Variants in KIF17 observed in about 807,000 individuals in gnomAD.
The protein encoded by KIF17 is kinesin-like protein KIF17.
In KIF17, 80 loss-of-function variants were observed where a neutral mutation model predicts 96.8. That is an observed-to-expected ratio of 0.83 (90% CI 0.69 to 1.00). The LOEUF is 1.00. Ranked by LOEUF, KIF17 falls within the 50% of genes least tolerant of loss-of-function variation. The pLI, the probability that KIF17 is intolerant of heterozygous loss-of-function variation, is 0.00. For synonymous variants in KIF17, 567 were observed against 587.5 expected (o/e 0.97, Z 0.51); for missense variants, 1,280 against 1,372.9 (o/e 0.93, Z 1.07).
intron 6 of KIF17, among the ~76,000 whole-genome samples, chr1:20,695,943 C>T (rs1223103646): frequency 6.6e-6 from 1 of 152,082 alleles, no homozygotes; most frequent in Non-Finnish European, 1.5e-5. Flanking sequence ...GAGCTGACCC[C>T]CAGCTCTTGC....
chr1:20,665,616 G>T (rs375586264), intron 14 of KIF17, among the ~76,000 whole-genome samples: 5 of 152,048 alleles, frequency 3.3e-5, no homozygotes, highest in Admixed American at 2.6e-4. Flanking sequence ...GGCCAGGCTT[G>T]TCTTGAACTC....
chr1:20,699,686 G>A lies in KIF17; in HGVS notation c.1124-1198C>T, dbSNP rs1028281644. Among the ~76,000 whole-genome samples the A allele has an allele frequency of 1.3e-5, 2 of 152,144 alleles. No individual in the cohort carries two copies. The highest frequency in any genetic ancestry group is 2.9e-5 in the Non-Finnish European group (2 of 68,004). On this transcript the variant is annotated intron_variant, in intron 5 of 14. Transcript: ENST00000400463. The surrounding 1 kb of genome is among the most constrained non-coding windows in gnomAD (Gnocchi z 4.3). ...AGACAGGAGGCGCTTGCTAGACAGGGGGAGCTTGCTAGACAGGGGGAGCGG... is the reference window on the plus strand; with the variant it reads ...AGACAGGAGGCGCTTGCTAGACAGGAGGAGCTTGCTAGACAGGGGGAGCGG...
chr1:20,710,760 T>A (rs2054421586), intron 3 of KIF17, among the ~76,000 whole-genome samples: 2 of 152,070 alleles, frequency 1.3e-5, no homozygotes, highest in African/African-American at 2.4e-5. Flanking sequence ...GCTGGTCCTA[T>A]CTGCTGAAGC....
intron 11 of KIF17, among the ~76,000 whole-genome samples, chr1:20,675,434 C>T (rs888257572): frequency 4.2e-5 from 6 of 144,312 alleles, no homozygotes; most frequent in African/African-American, 1.5e-4. Context: ...GGCGACAAAG[C>T]GAGACTCTGT....
rs370731838 is a variant in KIF17 at position 20,695,008 on chromosome 1, A to G, written c.1233+3371T>C. Among the ~76,000 whole-genome samples the G allele has an allele frequency of 9.2e-5, 14 of 152,250 alleles. No individual in the cohort carries two copies. The East Asian group carries it at 9.7e-4, about 11-fold the overall frequency. On this transcript the variant is annotated intron_variant, in intron 6 of 14. Transcript: ENST00000400463. The stretch of plus-strand genomic sequence containing the variant: ...TGGATGGAAACACACATATATGCGC[A>G]CACACACATGCAGGCACACACATGC...
intron 2 of KIF17, among the ~76,000 whole-genome samples, chr1:20,714,717 A>C (rs2054545977): frequency 1.3e-5 from 2 of 148,498 alleles, no homozygotes; most frequent in South Asian, 4.3e-4. Flanking sequence ...GAATTGCTTG[A>C]ATCTGGGAGG....
chr1:20,697,267 C>A (rs1300988184), intron 6 of KIF17, among the ~76,000 whole-genome samples: 1 of 152,178 alleles, frequency 6.6e-6, no homozygotes, highest in Non-Finnish European at 1.5e-5. Context: ...CGGGATAGCT[C>A]GTCCTGCCTG....
At chr1:20,692,180 T>C (rs1366599478) in intron 6 of KIF17, among the ~76,000 whole-genome samples, 1 of 152,186 alleles carries the variant, frequency 6.6e-6, no homozygotes, top group South Asian at 2.1e-4. Flanking sequence ...TGGGGACTCC[T>C]AGACACACCC....
In KIF17 at chr1:20,687,286, C is replaced by T. The variant is rs2053954371; in HGVS notation, c.1938+102G>A. 10 of 1,320,066 alleles carry T rather than the reference C, an allele frequency of 7.6e-6. No homozygotes were observed. The highest frequency in any genetic ancestry group is 4.7e-5 in the South Asian group (4 of 84,394). The allele number at this position is 1,320,066 out of a possible 1,614,324, so 81.8% of individuals were successfully genotyped here. ...CACAGTGGAGCCACGGCCTGAGTGT[C>T]GGAGGCCATGTGTGTGAACAGTGTG... On this transcript the variant is annotated intron_variant, in intron 8 of 14. Transcript: ENST00000400463. The surrounding 1 kb of genome is among the most constrained non-coding windows in gnomAD (Gnocchi z 4.4).
chr1:20,701,209 G>A (rs34154499), intron 5 of KIF17, among the ~76,000 whole-genome samples: 2 of 152,094 alleles, frequency 1.3e-5, no homozygotes, highest in East Asian at 1.9e-4. Context: ...TGAGGCGGGC[G>A]AATCACGAGG....
chr1:20,704,963 G>T lies in KIF17; in HGVS notation c.671-64C>A. 1 of 1,469,318 alleles carries T rather than the reference G, an allele frequency of 6.8e-7. No homozygotes were observed. Among genetic ancestry groups the T allele is most frequent in the Non-Finnish European group, 9.4e-7 (1 of 1,065,844 alleles). 91.0% of individuals were successfully genotyped at this position (1,469,318 alleles called of 1,614,324 possible). On this transcript the variant is annotated intron_variant, in intron 4 of 14. Transcript: ENST00000400463. This position sits in a 1 kb window ranked among gnomAD's most constrained non-coding sequence, Gnocchi z 6.8. ...GAGCCCTATGTATCGAGGGCAATCA[G>T]TGCCAGGCACTGGGTGCTCAATGCC...
rs369417840 is a variant in KIF17, at chr1:20,717,680, G to A, written c.27C>T (p.Val9=). The A allele has an allele frequency of 1.2e-4, 190 of 1,600,036 alleles. No homozygotes were observed. The African/African-American group carries it at 2.2e-3, about 19-fold the overall frequency. The stretch of plus-strand genomic sequence containing the variant: ...GCTGGTTCATGGGACGGCAGCGCAC[G>A]ACAACCTTCACCGCCTCGGAGGCCA... MASEAVKV[V]VRCRPMNQRE... Residue 9 remains valine (V), a synonymous_variant, in exon 1 of 15, where the codon GTC becomes GTT. Coordinates refer to ENST00000400463, the MANE Select transcript of KIF17 (RefSeq NM_001122819.3).
rs781431910 is a variant in KIF17, at chr1:20,713,465, G to C, written c.469C>G (p.Gln157Glu). 1.3e-5 allele frequency: 21 copies of C among 1,612,456 alleles called. No homozygotes were observed. In the African/African-American group the frequency reaches 2.8e-4, roughly 22 times the overall value. Residue 157 changes from glutamine (Q) to glutamate (E), a missense_variant, in exon 3 of 15, where the codon CAG becomes GAG. Gln to Glu is a conservative substitution (Grantham distance 29). Transcript: ENST00000400463. ...GGGTCTGCACCCACCTCCAGCTTCT[G>C]CTTGGTGTCAGCCCCAAGGAGGTCC... ...VRDLLGADTK[Q>E]KLELKEHPEK...
At chr1:20,674,907 T>C (rs959432505) in intron 11 of KIF17, among the ~76,000 whole-genome samples, 1 of 152,060 alleles carries the variant, frequency 6.6e-6, no homozygotes, top group East Asian at 1.9e-4. Context: ...CCCAGCACTT[T>C]GGGAGGCCGA....
At chr1:20,705,893 CTTTTTT>C (rs747719983) in intron 4 of KIF17, among the ~76,000 whole-genome samples, 12 of 53,566 alleles carry the variant, frequency 2.2e-4, no homozygotes, top group East Asian at 2.2e-3. Context: ...TAGGATGTCT[CTTTTTT>C]TTTTTTTTTT....
Position 20,715,616 on chromosome 1 carries a change from G to A in KIF17, c.255C>T (p.Gly85=). 6.2e-7 allele frequency: 1 copy of A among 1,613,386 alleles called. No individual in the cohort carries two copies. The highest frequency in any genetic ancestry group is 1.7e-5 in the Admixed American group (1 of 59,988). ...CTGTCTGGCCGTAGGCAAAGATGGT[G>A]CCATTGTAGCCCTCAGTGACGCCCT... ...LVEGVTEGYN[G]TIFAYGQTGS... is the part of the protein sequence containing the mutation. The change falls in exon 2 of 15, where the codon GGC becomes GGT. Residue 85 remains glycine, a synonymous_variant. Transcript: ENST00000400463.
intron 6 of KIF17, among the ~76,000 whole-genome samples, chr1:20,694,446 T>G (rs748989401): frequency 6.6e-6 from 1 of 152,132 alleles, no homozygotes; most frequent in Non-Finnish European, 1.5e-5. Flanking sequence ...CTGACACACA[T>G]GGCTCAAGAG....
intron 12 of KIF17, 120 bp from the exon 13 acceptor site, chr1:20,670,608 C>G: frequency 1.1e-6 from 1 of 896,524 alleles, no homozygotes; most frequent in Non-Finnish European, 1.8e-6. Context: ...CACTTCCCAG[C>G]CCAAGCCAAG....
At chr1:20,665,687 C>G (rs1281703627) in intron 14 of KIF17, among the ~76,000 whole-genome samples, 1 of 152,170 alleles carries the variant, frequency 6.6e-6, no homozygotes, top group African/African-American at 2.4e-5. Context: ...AAGGGTGAGC[C>G]ACTGCACCTG....
Sources: allele counts gnomAD v4.1 joint callset (sites outside exome capture counted in the v4.1 genomes callset), GRCh38; gene constraint gnomAD v4.1.1; non-coding constraint Gnocchi (gnomAD v3.1); transcripts MANE v1.5; gene names NCBI Gene and HGNC (gene_info 2026-07-23, HGNC 2026-07-21).